Variants in GRM5 observed in about 807,000 individuals in gnomAD.
The protein encoded by GRM5 is metabotropic glutamate receptor 5.
GRM5 carries 19 observed loss-of-function variants against 83.1 expected under a neutral mutation model. The ratio of observed to expected loss-of-function variants is 0.23; its 90% CI spans 0.16 to 0.34. GRM5 has a LOEUF of 0.34. GRM5 is among the 10% of genes least tolerant of loss of function. The pLI, the probability that GRM5 is intolerant of heterozygous loss-of-function variation, is 1.00. For missense variants in GRM5, 1,160 were observed against 1,588.3 expected (o/e 0.73, Z 4.58); for synonymous variants, 675 against 633.6 (o/e 1.07, Z -0.98).
chr11:89,007,416 T>C (rs1940560393), intron 2 of GRM5, among the ~76,000 whole-genome samples: 1 of 152,204 alleles, frequency 6.6e-6, no homozygotes, highest in South Asian at 2.1e-4. Context: ...AGATGAAACT[T>C]CAAATCCAGT....
chr11:88,732,819 G>T (rs1941834078), intron 3 of GRM5, among the ~76,000 whole-genome samples: 1 of 151,924 alleles, frequency 6.6e-6, no homozygotes, highest in Non-Finnish European at 1.5e-5. Flanking sequence ...CACCCCTCTG[G>T]TTAGATAGAA....
intron 3 of GRM5, among the ~76,000 whole-genome samples, chr11:88,725,612 C>T (rs10160439): frequency 0.031 from 4,693 of 152,174 alleles, 231 homozygotes; most frequent in African/African-American, 0.11. Context: ...CATCAGGGAT[C>T]GACAGACACC....
At chr11:88,949,577 T>C (rs544492399) in intron 2 of GRM5, among the ~76,000 whole-genome samples, 1 of 152,346 alleles carries the variant, frequency 6.6e-6, no homozygotes, top group African/African-American at 2.4e-5. Context: ...CAGTGTTCCA[T>C]GGGCAATTTA....
intron 3 of GRM5, among the ~76,000 whole-genome samples, chr11:88,804,919 C>T (rs1034329573): frequency 1.3e-5 from 2 of 152,080 alleles, no homozygotes; most frequent in African/African-American, 2.4e-5. Context: ...GACTTCACTA[C>T]ACAATATATC....
At chr11:88,825,095 G>A (rs529255933) in intron 3 of GRM5, among the ~76,000 whole-genome samples, 4 of 151,982 alleles carry the variant, frequency 2.6e-5, no homozygotes, top group East Asian at 1.9e-4. Flanking sequence ...TTGGTCTGCC[G>A]TGTTTTCTTT....
chr11:89,056,067 T>A (rs1329096836), intron 1 of GRM5, among the ~76,000 whole-genome samples: 2 of 152,200 alleles, frequency 1.3e-5, no homozygotes, highest in African/African-American at 4.8e-5. Flanking sequence ...ATTTAATTAT[T>A]CCTTATTGTT....
chr11:88,616,354 A>G (rs1938481910), intron 4 of GRM5, among the ~76,000 whole-genome samples: 1 of 150,296 alleles, frequency 6.7e-6, no homozygotes, highest in South Asian at 2.1e-4. Flanking sequence ...ATGAGGCAAG[A>G]GAGATGGGGG....
At chr11:88,607,185 C>A (rs966169173) in intron 4 of GRM5, among the ~76,000 whole-genome samples, 2 of 152,114 alleles carry the variant, frequency 1.3e-5, no homozygotes, top group Admixed American at 1.3e-4. Context: ...CCAGGCTACA[C>A]TCTAGGCAAA....
intron 3 of GRM5, among the ~76,000 whole-genome samples, chr11:88,773,357 C>T (rs935660795): frequency 7.0e-4 from 107 of 152,102 alleles, no homozygotes; most frequent in African/African-American, 2.1e-3. Flanking sequence ...ATTAGCCCTT[C>T]GTCAGGTGGG....
chr11:88,756,498 T>A (rs949917364), intron 3 of GRM5, among the ~76,000 whole-genome samples: 2 of 152,096 alleles, frequency 1.3e-5, no homozygotes, highest in Non-Finnish European at 2.9e-5. Context: ...CAAGATTTTA[T>A]AAAAAATATA....
chr11:88,978,473 T>TAAAAAA (rs1565317795), intron 2 of GRM5, among the ~76,000 whole-genome samples: 3 of 56,816 alleles, frequency 5.3e-5, no homozygotes, highest in African/African-American at 2.0e-4. Flanking sequence ...GCAGATGAGC[T>TAAAAAA]TAAAAAAAAA....
chr11:88,820,861 A>C (rs1943777407), intron 3 of GRM5, among the ~76,000 whole-genome samples: 1 of 152,232 alleles, frequency 6.6e-6, no homozygotes, highest in Admixed American at 6.5e-5. Flanking sequence ...ACTAAAAAAT[A>C]GTTTTTCTAA....
chr11:89,021,991 A>G (rs1940996177), intron 2 of GRM5, among the ~76,000 whole-genome samples: 1 of 152,214 alleles, frequency 6.6e-6, no homozygotes, highest in South Asian at 2.1e-4. Flanking sequence ...AGAATTTGAG[A>G]TGATAACAAA....
intron 3 of GRM5, among the ~76,000 whole-genome samples, chr11:88,744,231 A>C (rs1425911180): frequency 6.6e-6 from 1 of 152,174 alleles, no homozygotes; most frequent in Non-Finnish European, 1.5e-5. Context: ...GAATAATATT[A>C]ATGAAAGGCC....
intron 2 of GRM5, among the ~76,000 whole-genome samples, chr11:88,993,815 G>C (rs1208747288): frequency 6.6e-6 from 1 of 152,120 alleles, no homozygotes; most frequent in Non-Finnish European, 1.5e-5. Context: ...CTGAGATGCA[G>C]TGATGAAGTG....
chr11:88,735,221 T>G (rs552818438), intron 3 of GRM5, among the ~76,000 whole-genome samples: 4 of 152,182 alleles, frequency 2.6e-5, no homozygotes, highest in Admixed American at 1.3e-4. Flanking sequence ...TTTTCCTTCA[T>G]TTGCCCAAAG....
In GRM5 at chr11:88,697,613, T is replaced by A. The variant is rs537555325; in HGVS notation, c.912-44210A>T. Among the ~76,000 whole-genome samples the A allele has an allele frequency of 1.6e-4, 24 of 152,334 alleles. 1 individual carries two copies. In the South Asian group the frequency reaches 4.8e-3, roughly 30 times the overall value. On this transcript the variant is annotated intron_variant, in intron 3 of 9. Transcript: ENST00000305447. ...AGATCCATGGACTACATAAATGCCA[T>A]GTGATATGAAACTTACTTGAATGAA... is the stretch of plus-strand genomic sequence containing the variant.
chr11:88,831,985 C>A (rs1216252428), intron 3 of GRM5, among the ~76,000 whole-genome samples: 1 of 152,198 alleles, frequency 6.6e-6, no homozygotes, highest in Non-Finnish European at 1.5e-5. Flanking sequence ...CCATTGCCAC[C>A]ACTGGGGCCT....
chr11:88,889,181 G>A (rs996228786), intron 2 of GRM5, among the ~76,000 whole-genome samples: 3 of 152,098 alleles, frequency 2.0e-5, no homozygotes, highest in African/African-American at 7.2e-5. Context: ...TGACTCCTAA[G>A]CCATGGATTT....
Sources: allele counts gnomAD v4.1 joint callset (sites outside exome capture counted in the v4.1 genomes callset), GRCh38; gene constraint gnomAD v4.1.1; transcripts MANE v1.5; gene names NCBI Gene and HGNC (gene_info 2026-07-23, HGNC 2026-07-21).